Variants in ADAMTSL2 observed in about 807,000 individuals in gnomAD.
ADAMTSL2 encodes ADAMTS like 2, also known as ADAMTS-like protein 2.
ADAMTSL2 carries 55 observed loss-of-function variants against 117.0 expected under a neutral mutation model. The ratio of observed to expected loss-of-function variants is 0.47; its 90% CI spans 0.38 to 0.59. ADAMTSL2 has a LOEUF of 0.59. ADAMTSL2 is among the 20% of genes least tolerant of loss of function. The pLI, the probability that ADAMTSL2 is intolerant of heterozygous loss-of-function variation, is 0.00. For missense variants in ADAMTSL2, 1,182 were observed against 1,354.5 expected, an observed-to-expected ratio of 0.87 and a Z score of 2.00; for synonymous variants, 572 against 566.4, an observed-to-expected ratio of 1.01 and a Z score of -0.14.
At chr9:133,564,579 AGAAG>A (rs1830901957) in intron 12 of ADAMTSL2, among the ~76,000 whole-genome samples, 2 of 92,834 alleles carry the variant, frequency 2.2e-5, no homozygotes, top group African/African-American at 9.3e-5. Context: ...AGAGGGAGAG[AGAAG>A]GAGAGAGAGA....
chr9:133,544,625 A>G (rs1238688366), intron 8 of ADAMTSL2, 75 bp downstream of exon 8: 48 of 1,288,102 alleles, frequency 3.7e-5, no homozygotes, highest in Non-Finnish European at 4.5e-5. Context: ...GAGAAGGGGC[A>G]CTTGACCCTG....
rs1157403140 is a variant in ADAMTSL2, at chr9:133,547,189, C to T, written c.915C>T (p.Pro305=). The T allele has an allele frequency of 6.2e-7, 1 of 1,613,624 alleles. No homozygotes were observed. Among genetic ancestry groups the T allele is most frequent in the Non-Finnish European group, 8.5e-7 (1 of 1,179,724 alleles). The change falls in exon 9 of 19, where the codon CCC becomes CCT. Residue 305 remains proline, a synonymous_variant. Coordinates refer to ENST00000651351, the MANE Select transcript of ADAMTSL2 (RefSeq NM_014694.4). ...TCGAGTACATCGTGGCACAGGGGCC[C>T]ACCAACCAGGGCCTGAATGTCATGG... ...TGIEYIVAQG[P]TNQGLNVMVW... is the part of the protein sequence containing the mutation.
intron 13 of ADAMTSL2, among the ~76,000 whole-genome samples, chr9:133,567,914 CT>C (rs1324541322): frequency 6.6e-6 from 1 of 152,246 alleles, no homozygotes; most frequent in African/African-American, 2.4e-5. Context: ...GCCATGCCCC[CT>C]TTCTGGACAC....
chr9:133,549,971 C>G (rs560433626), intron 9 of ADAMTSL2, among the ~76,000 whole-genome samples: 2 of 152,326 alleles, frequency 1.3e-5, no homozygotes, highest in East Asian at 3.9e-4. Context: ...CCCATGTCTT[C>G]TATGTGCTGG....
intron 12 of ADAMTSL2, among the ~76,000 whole-genome samples, chr9:133,562,411 A>G (rs1371355412): frequency 2.0e-5 from 3 of 151,938 alleles, no homozygotes; most frequent in Non-Finnish European, 4.4e-5. Flanking sequence ...GGGAAAAAGC[A>G]AGTGCTGTGG....
chr9:133,535,034 G>A, intron 1 of ADAMTSL2, 117 bp downstream of exon 1: 1 of 1,295,224 alleles, frequency 7.7e-7, no homozygotes, highest in South Asian at 2.3e-5. Context: ...TACATAACGT[G>A]GGGAGGCTTG....
chr9:133,544,968 G>C (rs908609274), intron 8 of ADAMTSL2, among the ~76,000 whole-genome samples: 4 of 151,118 alleles, frequency 2.6e-5, no homozygotes, highest in African/African-American at 4.8e-5. Flanking sequence ...TTCCGACTCA[G>C]GTCTGGGGTC....
Position 133,537,398 on chromosome 9 carries a change from C to T in ADAMTSL2, c.91-7C>T, listed in dbSNP as rs1297500417. The T allele has an allele frequency of 1.5e-6, 2 of 1,338,502 alleles. No individual in the cohort carries two copies. The highest frequency in any genetic ancestry group is 2.9e-5 in the Admixed American group (1 of 34,800). The allele number at this position is 1,338,502 out of a possible 1,614,324, so 82.9% of individuals were successfully genotyped here. On this transcript the variant is annotated splice_region_variant and splice_polypyrimidine_tract_variant and intron_variant, in intron 2 of 18. Transcript: ENST00000651351. Reference sequence around the variant, plus strand: ...CCCTCTACCATCTGGGGGTCCCTCTCACCCAGGACAACAGCCCAACATCCA... The same window carrying T: ...CCCTCTACCATCTGGGGGTCCCTCTTACCCAGGACAACAGCCCAACATCCA...
intron 4 of ADAMTSL2, among the ~76,000 whole-genome samples, chr9:133,538,666 T>A (rs1402139319): frequency 2.0e-5 from 3 of 151,980 alleles, no homozygotes; most frequent in Non-Finnish European, 4.4e-5. Context: ...ACGGGCGGAC[T>A]CACTCTGCTC....
In ADAMTSL2 at chr9:133,540,972, G is replaced by A; in HGVS notation, c.653G>A (p.Gly218Asp). The A allele has an allele frequency of 6.2e-7, 1 of 1,613,396 alleles. No individual in the cohort carries two copies. The highest frequency in any genetic ancestry group is 1.1e-5 in the South Asian group (1 of 91,072). The change falls in exon 7 of 19, where the codon GGC becomes GAC. Residue 218 changes from glycine to aspartate, a missense_variant. This residue lies in a region of ADAMTSL2 where 372 missense variants were observed against 463.4 expected (regional missense o/e 0.80). Coordinates refer to ENST00000651351, the MANE Select transcript of ADAMTSL2 (RefSeq NM_014694.4). ...GDGSSCTHVT[G>D]NYRKGNAHLG... ...GGTAGCAGCTGCACCCACGTGACGG[G>A]CAACTATCGCAAGGGGAATGCCCAC...
intron 12 of ADAMTSL2, among the ~76,000 whole-genome samples, chr9:133,565,832 C>T (rs1830958390): frequency 6.9e-6 from 1 of 145,742 alleles, no homozygotes; most frequent in Admixed American, 7.0e-5. Context: ...GGGTCTGTCT[C>T]CCGTGGCCAC....
chr9:133,535,496 C>G (rs1337844905), intron 1 of ADAMTSL2, among the ~76,000 whole-genome samples: 1 of 152,086 alleles, frequency 6.6e-6, no homozygotes, highest in East Asian at 1.9e-4. Context: ...CTGCAGGTGC[C>G]GGGCCTGCAA....
chr9:133,573,939 G>A lies in ADAMTSL2; in HGVS notation c.2689G>A (p.Val897Ile), dbSNP rs886063649. Reference protein sequence around the residue: ...VRGCDPLVKPVGRQACDLQPC... With the variant: ...VRGCDPLVKPIGRQACDLQPC... ...TGGTTGCGATCCGTTGGTGAAGCCC[G>A]TTGGCAGACAGGCCTGTGATCTGCA... The change falls in exon 18 of 19, where the codon GTT becomes ATT. Residue 897 changes from valine to isoleucine, a missense_variant. Coordinates refer to ENST00000651351, the MANE Select transcript of ADAMTSL2 (RefSeq NM_014694.4). The A allele has an allele frequency of 4.3e-5, 70 of 1,614,066 alleles. No individual in the cohort carries two copies. Among genetic ancestry groups the A allele is most frequent in the East Asian group, 2.7e-4 (12 of 44,880 alleles).
At chr9:133,542,481 A>G (rs1261507424) in intron 7 of ADAMTSL2, among the ~76,000 whole-genome samples, 1 of 152,180 alleles carries the variant, frequency 6.6e-6, no homozygotes, top group Non-Finnish European at 1.5e-5. Context: ...GGCACTGTGC[A>G]CACAGTGAGG....
chr9:133,532,973 T>C (rs1202802399), upstream of ADAMTSL2, among the ~76,000 whole-genome samples: 1 of 151,552 alleles, frequency 6.6e-6, no homozygotes, highest in Non-Finnish European at 1.5e-5. Flanking sequence ...GGCTGTGGGG[T>C]CCCTCCCAAG....
intron 9 of ADAMTSL2, among the ~76,000 whole-genome samples, chr9:133,551,408 C>T (rs1830480290): frequency 1.3e-5 from 2 of 152,158 alleles, no homozygotes; most frequent in South Asian, 4.1e-4. Context: ...TACCCTCTGG[C>T]CCTGGGTGTG....
chr9:133,546,088 A>T (rs561826592), intron 8 of ADAMTSL2, among the ~76,000 whole-genome samples: 6 of 152,138 alleles, frequency 3.9e-5, no homozygotes, highest in African/African-American at 1.4e-4. Context: ...CCTTTGGAAG[A>T]CAGAGTGTCC....
intron 9 of ADAMTSL2, among the ~76,000 whole-genome samples, chr9:133,550,303 G>A (rs767852464): frequency 3.9e-5 from 6 of 152,220 alleles, no homozygotes; most frequent in Non-Finnish European, 5.9e-5. Flanking sequence ...CCATCCTCAC[G>A]GGCGTGCTGC....
chr9:133,542,457 C>T (rs890410011), intron 7 of ADAMTSL2, among the ~76,000 whole-genome samples: 7 of 152,150 alleles, frequency 4.6e-5, no homozygotes, highest in Non-Finnish European at 7.3e-5. Context: ...TTGTAGGGCA[C>T]GTAGTGTGTG....
Sources: allele counts gnomAD v4.1 joint callset (sites outside exome capture counted in the v4.1 genomes callset), GRCh38; gene constraint gnomAD v4.1.1; regional missense constraint gnomAD v4.1.1; transcripts MANE v1.5; gene names NCBI Gene and HGNC (gene_info 2026-07-23, HGNC 2026-07-21).